SRSF10: variants seen among roughly 807,000 people sequenced by gnomAD.
SRSF10 encodes serine/arginine-rich splicing factor 10.
SRSF10 carries 9 observed loss-of-function variants against 32.6 expected under a neutral mutation model. That is an observed-to-expected ratio of 0.28 (90% CI 0.17 to 0.48). The LOEUF is 0.48. Among genes scored for constraint, SRSF10 ranks in the 20% least tolerant of loss-of-function variants. SRSF10 has a pLI of 0.99. For synonymous variants in SRSF10, 105 were observed against 112.4 expected, an observed-to-expected ratio of 0.93 and a Z score of 0.42; for missense variants, 201 against 331.8, an observed-to-expected ratio of 0.61 and a Z score of 3.06.
In SRSF10 at chr1:23,968,479, C is replaced by CTG. The variant is rs1436719055; in HGVS notation, c.*2661_*2662dup. Reference sequence around the variant, plus strand: ...TTTCTTTGTGCCTCAGTTTCCTTATCTGTGATATGGGGAAAATAAAAGTAT... The same window carrying CTG: ...TTTCTTTGTGCCTCAGTTTCCTTATCTGTGTGATATGGGGAAAATAAAAGTAT... On this transcript the variant is annotated 3_prime_UTR_variant, in exon 6 of 6. Coordinates refer to ENST00000492112, the MANE Select transcript of SRSF10 (RefSeq NM_054016.4). Among the ~76,000 whole-genome samples, 3 of 152,066 alleles carry CTG rather than the reference C, an allele frequency of 2.0e-5. No individual in the cohort carries two copies. Among genetic ancestry groups the CTG allele is most frequent in the Non-Finnish European group, 4.4e-5 (3 of 67,988 alleles).
chr1:23,972,201 G>C (rs963008944), intron 3 of SRSF10, among the ~76,000 whole-genome samples, 189 bp from the exon 4 acceptor site: 47 of 152,102 alleles, frequency 3.1e-4, no homozygotes, highest in Non-Finnish European at 5.9e-5. Flanking sequence ...TTGAGCCCAG[G>C]AGTTTGAGAC....
Position 23,968,054 on chromosome 1 carries a change from T to C in SRSF10, c.*3088A>G. Reference sequence around the variant, plus strand: ...AGTGTTGATATAACCATTCTATTTATCATTGAGCCCAGTCATACACAGTAG... The same window carrying C: ...AGTGTTGATATAACCATTCTATTTACCATTGAGCCCAGTCATACACAGTAG... On this transcript the variant is annotated 3_prime_UTR_variant, in exon 6 of 6. Coordinates refer to ENST00000492112, the MANE Select transcript of SRSF10 (RefSeq NM_054016.4). 1 of 1,520,478 alleles carries C rather than the reference T, an allele frequency of 6.6e-7. No homozygotes were observed. The highest frequency in any genetic ancestry group is 1.4e-5 in the African/African-American group (1 of 72,186). The allele number at this position is 1,520,478 out of a possible 1,614,324, so 94.2% of individuals were successfully genotyped here. A position where few individuals can be genotyped will look rare whatever the true frequency, so the allele number is the denominator to read the frequency against.
intron 3 of SRSF10, 72 bp downstream of exon 3, chr1:23,974,902 T>G (rs1256005223): frequency 1.7e-6 from 2 of 1,170,912 alleles, no homozygotes; most frequent in Non-Finnish European, 2.5e-6. Context: ...ACAAATTGCT[T>G]AAATTCTTAA....
At position 23,967,012 on chromosome 1, in the gene SRSF10, CAGTACAATGATTTGCCCACAGT is replaced by C. The variant is rs1641486824; in HGVS notation, c.*4108_*4129del. 1 of 151,996 alleles carries C rather than the reference CAGTACAATGATTTGCCCACAGT, an allele frequency of 6.6e-6. No individual in the cohort carries two copies. Among genetic ancestry groups the C allele is most frequent in the African/African-American group, 2.4e-5 (1 of 41,382 alleles). 9.4% of individuals were successfully genotyped at this position (151,996 alleles called of 1,614,324 possible). A position where few individuals can be genotyped will look rare whatever the true frequency, so the allele number is the denominator to read the frequency against. The stretch of plus-strand genomic sequence containing the variant: ...GAATTATCTATTTTTCTCAATTATC[CAGTACAATGATTTGCCCACAGT>C]AAGGGCTCAATAAATATTTGCTGAA... On this transcript the variant is annotated 3_prime_UTR_variant, in exon 6 of 6. Transcript: ENST00000492112.
rs1252180709 is a variant in SRSF10 at position 23,965,680 on chromosome 1, G to A, written c.*5462C>T. On this transcript the variant is annotated 3_prime_UTR_variant, in exon 6 of 6. Transcript: ENST00000492112. The stretch of plus-strand genomic sequence containing the variant: ...AAACAACCACAGAAGAGATCCTAAA[G>A]CAATTCATTCAACAGATGCAAAAAT... 4 of 151,908 alleles carry A rather than the reference G, an allele frequency of 2.6e-5. No individual in the cohort carries two copies. The highest frequency in any genetic ancestry group is 9.7e-5 in the African/African-American group (4 of 41,410). The allele number at this position is 151,908 out of a possible 1,614,324, so 9.4% of individuals were successfully genotyped here.
rs757019328 is a variant in SRSF10 at position 23,969,069 on chromosome 1, G to A, written c.*2073C>T. ...CATATTCAATACTGTAATAATTCCAGTTAATCATTATTTCCTTCATTTTGT... is the reference window on the plus strand; with the variant it reads ...CATATTCAATACTGTAATAATTCCAATTAATCATTATTTCCTTCATTTTGT... On this transcript the variant is annotated 3_prime_UTR_variant, in exon 6 of 6. Coordinates refer to ENST00000492112, the MANE Select transcript of SRSF10 (RefSeq NM_054016.4). The A allele has an allele frequency of 4.0e-3, 3,665 of 918,918 alleles. 13 individuals are homozygous for A. Among genetic ancestry groups the A allele is most frequent in the Non-Finnish European group, 4.6e-3 (3,499 of 768,936 alleles). 56.9% of individuals were successfully genotyped at this position (918,918 alleles called of 1,614,324 possible). A position where few individuals can be genotyped will look rare whatever the true frequency, so the allele number is the denominator to read the frequency against.
chr1:23,974,207 C>A lies in SRSF10; in HGVS notation c.274+767G>T, dbSNP rs373983644. ...GGGGTTTTACCATGACCTTGTGATC[C>A]ACCCACCTCGGCCTCCCAAAGTGCT... On this transcript the variant is annotated intron_variant, in intron 3 of 5. Transcript: ENST00000492112. Among the ~76,000 whole-genome samples the A allele has an allele frequency of 3.2e-3, 481 of 152,072 alleles. 4 individuals carry two copies. The highest frequency in any genetic ancestry group is 0.011 in the African/African-American group (448 of 41,472).
rs1307809185 is a variant in SRSF10 at position 23,970,991 on chromosome 1, T to C, written c.*151A>G. On this transcript the variant is annotated 3_prime_UTR_variant, in exon 6 of 6. Coordinates refer to ENST00000492112, the MANE Select transcript of SRSF10 (RefSeq NM_054016.4). ...TCTTAAGAGTGGCTTCTCAACAGCA[T>C]ATCATTTTAATTATAACCATTGCCT... 1.4e-6 allele frequency: 2 copies of C among 1,450,022 alleles called. No homozygotes were observed. Among genetic ancestry groups the C allele is most frequent in the African/African-American group, 2.9e-5 (2 of 70,082 alleles). The allele number at this position is 1,450,022 out of a possible 1,614,324, so 89.8% of individuals were successfully genotyped here. A position where few individuals can be genotyped will look rare whatever the true frequency, so the allele number is the denominator to read the frequency against.
Position 23,966,318 on chromosome 1 carries a change from TTTAG to T in SRSF10, c.*4820_*4823del, listed in dbSNP as rs1342610633. The T allele has an allele frequency of 6.6e-6, 1 of 151,944 alleles. No homozygotes were observed. The highest frequency in any genetic ancestry group is 1.5e-5 in the Non-Finnish European group (1 of 67,836). 9.4% of individuals were successfully genotyped at this position (151,944 alleles called of 1,614,324 possible). A position where few individuals can be genotyped will look rare whatever the true frequency, so the allele number is the denominator to read the frequency against. On this transcript the variant is annotated 3_prime_UTR_variant, in exon 6 of 6. Transcript: ENST00000492112. Reference sequence around the variant, plus strand: ...AAAGCTTAAATTCCACTTCCAGATTTTTAGTTAATTTTATATGGAAAATTTTAAG... The same window carrying T: ...AAAGCTTAAATTCCACTTCCAGATTTTTAATTTTATATGGAAAATTTTAAG...
rs112665933 is a variant in SRSF10 at position 23,971,864 on chromosome 1, C to T, written c.423G>A (p.Ser141=). The change falls in exon 4 of 6, where the codon TCG becomes TCA. Residue 141 remains serine (S), a synonymous_variant. Transcript: ENST00000492112. ...SRSFDYNYRR[S]YSPRNSRPTG... is the part of the protein sequence containing the mutation. ...AGCACACTTACTTTCTAGGACTATA[C>T]GATCTTCTATAGTTGTAATCAAAAG... 4.2e-4 allele frequency: 678 copies of T among 1,607,270 alleles called. 3 individuals are homozygous for T. In the African/African-American group the frequency reaches 6.3e-3, roughly 15 times the overall value.
Position 23,968,859 on chromosome 1 carries a change from A to T in SRSF10, c.*2283T>A, listed in dbSNP as rs1034542918. On this transcript the variant is annotated 3_prime_UTR_variant, in exon 6 of 6. Coordinates refer to ENST00000492112, the MANE Select transcript of SRSF10 (RefSeq NM_054016.4). ...AACCTCTTAAGTTAGTTAACCCAAG[A>T]GGCTTAATGAGCAATCATGAAACAA... Among the ~76,000 whole-genome samples the T allele has an allele frequency of 6.6e-6, 1 of 152,184 alleles. No homozygotes were observed. The highest frequency in any genetic ancestry group is 1.5e-5 in the Non-Finnish European group (1 of 67,994).
Position 23,964,670 on chromosome 1 carries a change from T to C in SRSF10, c.*6472A>G, listed in dbSNP as rs1641368679. 1 of 152,004 alleles carries C rather than the reference T, an allele frequency of 6.6e-6. No individual in the cohort carries two copies. Among genetic ancestry groups the C allele is most frequent in the Non-Finnish European group, 1.5e-5 (1 of 67,882 alleles). 9.4% of individuals were successfully genotyped at this position (152,004 alleles called of 1,614,324 possible). On this transcript the variant is annotated 3_prime_UTR_variant, in exon 6 of 6. Transcript: ENST00000492112. Reference sequence around the variant, plus strand: ...TGTGTAAGTTTCAGTTTCTAGTATTTTGGTTGCATTCTTGTAGGCAATTTG... The same window carrying C: ...TGTGTAAGTTTCAGTTTCTAGTATTCTGGTTGCATTCTTGTAGGCAATTTG...
chr1:23,968,764 T>C lies in SRSF10; in HGVS notation c.*2378A>G, dbSNP rs1261360889. On this transcript the variant is annotated 3_prime_UTR_variant, in exon 6 of 6. Coordinates refer to ENST00000492112, the MANE Select transcript of SRSF10 (RefSeq NM_054016.4). Reference sequence around the variant, plus strand: ...TTTATAAGAGGGAGAGCAGAATTACTGATCCATCCAATAATGAAAATATAA... The same window carrying C: ...TTTATAAGAGGGAGAGCAGAATTACCGATCCATCCAATAATGAAAATATAA... 6.6e-6 allele frequency among the ~76,000 whole-genome samples: 1 copy of C among 152,206 alleles called. No homozygotes were observed. The highest frequency in any genetic ancestry group is 1.5e-5 in the Non-Finnish European group (1 of 68,012).
chr1:23,964,412 T>C lies in SRSF10; in HGVS notation c.*6730A>G, dbSNP rs1641356756. 6.6e-6 allele frequency among the ~76,000 whole-genome samples: 1 copy of C among 151,998 alleles called. No individual in the cohort carries two copies. The highest frequency in any genetic ancestry group is 2.4e-5 in the African/African-American group (1 of 41,416). ...TGGTGATAGGAATTTCCCAAGTCGATGCAATTGCGAGAACCAAAAATAGCT... is the reference window on the plus strand; with the variant it reads ...TGGTGATAGGAATTTCCCAAGTCGACGCAATTGCGAGAACCAAAAATAGCT... On this transcript the variant is annotated 3_prime_UTR_variant, in exon 6 of 6. Transcript: ENST00000492112.
rs1474492037 is a variant in SRSF10 at position 23,968,683 on chromosome 1, T to C, written c.*2459A>G. On this transcript the variant is annotated 3_prime_UTR_variant, in exon 6 of 6. Coordinates refer to ENST00000492112, the MANE Select transcript of SRSF10 (RefSeq NM_054016.4). The stretch of plus-strand genomic sequence containing the variant: ...ACTTAATATTAGTTGCTCATCAACA[T>C]TCAATTTAAAATGATTTAAAATCAT... Among the ~76,000 whole-genome samples the C allele has an allele frequency of 3.9e-5, 6 of 152,208 alleles. No individual in the cohort carries two copies. Among genetic ancestry groups the C allele is most frequent in the East Asian group, 1.9e-4 (1 of 5,204 alleles).
At chr1:23,979,791 A>G (rs1321764753) in intron 1 of SRSF10, among the ~76,000 whole-genome samples, 3 of 49,800 alleles carry the variant, frequency 6.0e-5, no homozygotes, top group Non-Finnish European at 7.9e-5. Flanking sequence ...TCATCTCACT[A>G]TTTTTTGGCT....
chr1:23,977,913 C>G, intron 2 of SRSF10: 1 of 983,178 alleles, frequency 1.0e-6, no homozygotes. Context: ...TAGGATACAT[C>G]AGGTATGACT....
chr1:23,964,700 G>A lies in SRSF10; in HGVS notation c.*6442C>T, dbSNP rs1393045923. 6.6e-6 allele frequency: 1 copy of A among 151,902 alleles called. No homozygotes were observed. Among genetic ancestry groups the A allele is most frequent in the African/African-American group, 2.4e-5 (1 of 41,392 alleles). The allele number at this position is 151,902 out of a possible 1,614,324, so 9.4% of individuals were successfully genotyped here. The stretch of plus-strand genomic sequence containing the variant: ...TGCATTCTTGTAGGCAATTTGTAAA[G>A]CAAGAGGGACAGAGTGCATCTCTAA... On this transcript the variant is annotated 3_prime_UTR_variant, in exon 6 of 6. Coordinates refer to ENST00000492112, the MANE Select transcript of SRSF10 (RefSeq NM_054016.4).
chr1:23,979,227 C>T (rs1642283994), intron 1 of SRSF10, among the ~76,000 whole-genome samples: 1 of 152,026 alleles, frequency 6.6e-6, no homozygotes, highest in African/African-American at 2.4e-5. Flanking sequence ...AGTTAAGTGT[C>T]AAGATGACGT....
Sources: gnomAD v4.1 joint callset for allele counts (sites outside exome capture counted in the v4.1 genomes callset) on GRCh38, gnomAD v4.1.1 for gene constraint, MANE v1.5 for transcripts, NCBI Gene and HGNC (gene_info 2026-07-23, HGNC 2026-07-21) for gene names.